GSDME: variants seen among roughly 807,000 people sequenced by gnomAD.
The protein encoded by GSDME is gasdermin E, also known as gasdermin-E.
Under a neutral mutation model 47.5 loss-of-function variants are expected in GSDME, and 44 were observed. The ratio of observed to expected loss-of-function variants is 0.93; its 90% CI spans 0.73 to 1.19. The LOEUF is 1.19. Among genes scored for constraint, GSDME ranks in the 50% most tolerant of loss-of-function variants. The pLI is 0.00. For synonymous variants in GSDME, 258 were observed against 252.8 expected, an observed-to-expected ratio of 1.02 and a Z score of -0.20; for missense variants, 663 against 604.2, an observed-to-expected ratio of 1.10 and a Z score of -1.02.
the GSDME span, among the ~76,000 whole-genome samples, chr7:24,763,580 TA>T: frequency 1.3e-5 from 2 of 152,162 alleles, no homozygotes; most frequent in Non-Finnish European, 2.9e-5. This position sits in a 1 kb window ranked among gnomAD's most constrained non-coding sequence, Gnocchi z 4.3. Context: ...CTACTCAGAA[TA>T]GCACAAATGT....
chr7:24,769,770 C>T, the GSDME span, among the ~76,000 whole-genome samples: 3 of 152,124 alleles, frequency 2.0e-5, no homozygotes, highest in East Asian at 1.9e-4. Context: ...CAAAAACACA[C>T]GCATGCAATC....
intron 3 of GSDME, among the ~76,000 whole-genome samples, chr7:24,727,673 C>T (rs1790013554): frequency 6.6e-6 from 1 of 152,220 alleles, no homozygotes; most frequent in Non-Finnish European, 1.5e-5. Context: ...TGTGACATTT[C>T]ATTAAGTGGG....
rs1196444193 is a variant in GSDME, at chr7:24,757,350, T to G, written c.-20+46A>C. The G allele has an allele frequency of 1.3e-5, 2 of 151,982 alleles. No individual in the cohort carries two copies. The highest frequency in any genetic ancestry group is 4.8e-5 in the African/African-American group (2 of 41,306). 9.4% of individuals were successfully genotyped at this position (151,982 alleles called of 1,614,324 possible). A position where few individuals can be genotyped will look rare whatever the true frequency, so the allele number is the denominator to read the frequency against. On this transcript the variant is annotated intron_variant, in intron 1 of 9. Transcript: ENST00000645220. The surrounding 1 kb of genome is among the most constrained non-coding windows in gnomAD (Gnocchi z 5.9). ...CAAACAGACCAAAGAGGATCCGGAG[T>G]GGAGCCCGGAGCGGATCCCGCAGCC...
At chr7:24,727,329 G>C (rs1380784491) in intron 3 of GSDME, among the ~76,000 whole-genome samples, 1 of 152,232 alleles carries the variant, frequency 6.6e-6, no homozygotes, top group African/African-American at 2.4e-5. Flanking sequence ...ACAACAAAAA[G>C]TGAAAGGTAC....
At chr7:24,730,462 G>C (rs1171664386) in intron 3 of GSDME, among the ~76,000 whole-genome samples, 1 of 152,196 alleles carries the variant, frequency 6.6e-6, no homozygotes, top group Non-Finnish European at 1.5e-5. Flanking sequence ...AATAGTACTT[G>C]AATGATTCTT....
intron 9 of GSDME, among the ~76,000 whole-genome samples, chr7:24,699,468 G>A (rs543716991): frequency 1.2e-3 from 188 of 152,168 alleles, no homozygotes; most frequent in African/African-American, 4.3e-3. Flanking sequence ...TCAGCCTCCC[G>A]AGTAGCTGGT....
chr7:24,717,331 A>G lies in GSDME; in HGVS notation c.620T>C (p.Val207Ala), dbSNP rs569208217. 4.3e-5 allele frequency: 70 copies of G among 1,614,036 alleles called. 1 individual carries two copies. In the South Asian group the frequency reaches 7.5e-4, roughly 17 times the overall value. The change falls in exon 5 of 10, where the codon GTG (valine) becomes GCG (alanine). Residue 207 changes from valine to alanine, a missense_variant. By Grantham distance (64) the Val-to-Ala change is moderately conservative (BLOSUM62 0). Coordinates refer to ENST00000645220, the MANE Select transcript of GSDME (RefSeq NM_001127453.2). The stretch of plus-strand genomic sequence containing the variant: ...GGTGGCAGCTGGGATCTCCAGCACC[A>G]CGTTGGAGTCCTTGGTGACATTCCC... The part of the protein sequence containing the change: ...EDGNVTKDSN[V>A]VLEIPAATTI...
At position 24,735,160 on chromosome 7, in the gene GSDME, G is replaced by GA. The variant is rs1262518793; in HGVS notation, c.404+9401dup. Among the ~76,000 whole-genome samples the GA allele has an allele frequency of 6.6e-6, 1 of 151,966 alleles. No homozygotes were observed. The highest frequency in any genetic ancestry group is 1.5e-5 in the Non-Finnish European group (1 of 67,968). ...GCATGACATATCTAAAGTGCTGAAGGAAAAAAACGTTTACACTAGAATAGT... is the reference window on the plus strand; with the variant it reads ...GCATGACATATCTAAAGTGCTGAAGGAAAAAAAACGTTTACACTAGAATAGT... On this transcript the variant is annotated intron_variant, in intron 3 of 9. Transcript: ENST00000645220. This position sits in a 1 kb window ranked among gnomAD's most constrained non-coding sequence, Gnocchi z 4.4.
At chr7:24,707,297 T>A (rs920863191) in intron 7 of GSDME, 4 of 470,844 alleles carry the variant, frequency 8.5e-6, no homozygotes, top group Middle Eastern at 6.5e-4. Flanking sequence ...AAATCAGGTT[T>A]ATAAAGCCTC....
chr7:24,719,863 A>G (rs1364507959), intron 3 of GSDME, among the ~76,000 whole-genome samples: 2 of 152,148 alleles, frequency 1.3e-5, no homozygotes, highest in African/African-American at 4.8e-5. Flanking sequence ...TAGACCCTGG[A>G]AACTCCACTT....
upstream of GSDME, among the ~76,000 whole-genome samples, chr7:24,759,236 C>T (rs989707404): frequency 3.3e-5 from 5 of 152,148 alleles, no homozygotes; most frequent in African/African-American, 4.8e-5. Context: ...TTGCATCCCC[C>T]GCTAGGGTAC....
chr7:24,700,234 AAC>A (rs1788810068), intron 9 of GSDME, among the ~76,000 whole-genome samples: 1 of 152,168 alleles, frequency 6.6e-6, no homozygotes, highest in African/African-American at 2.4e-5. Flanking sequence ...CCGTGCCTAC[AAC>A]ACAGACACTC....
intron 3 of GSDME, among the ~76,000 whole-genome samples, chr7:24,720,914 A>G (rs1253484259): frequency 6.6e-6 from 1 of 152,240 alleles, no homozygotes; most frequent in Non-Finnish European, 1.5e-5. Flanking sequence ...TCTCAAAAAA[A>G]AAAAAAAAGA....
chr7:24,724,363 G>T lies in GSDME; in HGVS notation c.405-5145C>A, dbSNP rs1437810444. Among the ~76,000 whole-genome samples, 4 of 152,106 alleles carry T rather than the reference G, an allele frequency of 2.6e-5. No homozygotes were observed. On this transcript the variant is annotated intron_variant, in intron 3 of 9. Transcript: ENST00000645220. This position sits in a 1 kb window ranked among gnomAD's most constrained non-coding sequence, Gnocchi z 4.8. ...AGACCCTCTCCCCAAGTCCAGCCAG[G>T]AGCCAATGCCCAAAGACAGGGAAAA...
chr7:24,747,879 G>A (rs2128064742), intron 2 of GSDME, among the ~76,000 whole-genome samples: 1 of 151,916 alleles, frequency 6.6e-6, no homozygotes, highest in South Asian at 2.1e-4. Flanking sequence ...CGTTGCCCAG[G>A]CTAGCCTCAA....
At chr7:24,702,916 A>ATATT in intron 8 of GSDME, 83 bp from the exon 9 acceptor site, 1 of 1,205,274 alleles carries the variant, frequency 8.3e-7, no homozygotes, top group Non-Finnish European at 1.2e-6. Context: ...CACCTAACTT[A>ATATT]TATTTTAGTA....
At chr7:24,774,390 G>C in the GSDME span, among the ~76,000 whole-genome samples, 1 of 147,580 alleles carries the variant, frequency 6.8e-6, no homozygotes. Flanking sequence ...AGCCCTCGAA[G>C]AAGGCCCAGG....
intron 1 of GSDME, among the ~76,000 whole-genome samples, chr7:24,755,080 C>G (rs1165398147): frequency 6.6e-6 from 1 of 152,186 alleles, no homozygotes; most frequent in African/African-American, 2.4e-5. Flanking sequence ...TGTTAAGTAA[C>G]TTGCCCAAGA....
chr7:24,720,230 C>A (rs1371920885), intron 3 of GSDME, among the ~76,000 whole-genome samples: 1 of 152,194 alleles, frequency 6.6e-6, no homozygotes, highest in Non-Finnish European at 1.5e-5. Context: ...GAGATGATTT[C>A]ATGCTTAGAA....
Sources: allele counts gnomAD v4.1 joint callset (sites outside exome capture counted in the v4.1 genomes callset), GRCh38; gene constraint gnomAD v4.1.1; non-coding constraint Gnocchi (gnomAD v3.1); transcripts MANE v1.5; gene names NCBI Gene and HGNC (gene_info 2026-07-23, HGNC 2026-07-21).